SYNJ2: variants seen among roughly 807,000 people sequenced by gnomAD.
The protein encoded by SYNJ2 is synaptojanin 2.
SYNJ2 carries 116 observed loss-of-function variants against 141.3 expected under a neutral mutation model. That is an observed-to-expected ratio of 0.82 (90% confidence interval 0.71 to 0.96). SYNJ2 has a LOEUF of 0.96. Among genes scored for constraint, SYNJ2 ranks in the 40% least tolerant of loss-of-function variants. SYNJ2 has a pLI of 0.00. For missense variants in SYNJ2, 1,873 were observed against 1,934.8 expected, an observed-to-expected ratio of 0.97 and a Z score of 0.60; for synonymous variants, 745 against 777.7, an observed-to-expected ratio of 0.96 and a Z score of 0.70.
chr6:158,034,922 G>A lies in SYNJ2; in HGVS notation c.711+1242G>A, dbSNP rs146796054. 2.2e-3 allele frequency among the ~76,000 whole-genome samples: 342 copies of A among 152,272 alleles called. 2 individuals carry two copies. The highest frequency in any genetic ancestry group is 7.9e-3 in the African/African-American group (327 of 41,564). On this transcript the variant is annotated intron_variant, in intron 4 of 26. Coordinates refer to ENST00000355585, the MANE Select transcript of SYNJ2 (RefSeq NM_003898.4). ...ATGGCTAGCCAGTTATCCCAGCACC[G>A]TTTATTGAATAGAGAATCCTTTTCC...
intron 11 of SYNJ2, among the ~76,000 whole-genome samples, chr6:158,065,394 C>T (rs2477806): frequency 0.5 from 76,509 of 151,900 alleles, 20,259 homozygotes; most frequent in African/African-American, 0.69. Flanking sequence ...CAGTTTCTCT[C>T]TTGGCCCCTG....
At position 158,078,327 on chromosome 6, in the gene SYNJ2, C is replaced by T. The variant is rs750488573; in HGVS notation, c.2567+46C>T. On this transcript the variant is annotated intron_variant, in intron 18 of 26. Transcript: ENST00000355585. ...GCGTTTTCTCCTGTGCTGGGCAAGGCAGCGTCTCCCTCTCCGCAGGAAAAT... is the reference window on the plus strand; with the variant it reads ...GCGTTTTCTCCTGTGCTGGGCAAGGTAGCGTCTCCCTCTCCGCAGGAAAAT... The T allele has an allele frequency of 8.5e-6, 11 of 1,300,632 alleles. No homozygotes were observed. In the South Asian group the frequency reaches 9.6e-5, roughly 11 times the overall value. 80.6% of individuals were successfully genotyped at this position (1,300,632 alleles called of 1,614,324 possible). A position where few individuals can be genotyped will look rare whatever the true frequency, so the allele number is the denominator to read the frequency against.
Position 158,064,625 on chromosome 6 carries a change from C to T in SYNJ2, c.1234C>T (p.Leu412=). ...GGTCCTGCATCTGCAGCTCAAGACCCTGGGGCTGAGTTCAAAACCCATCGT... is the reference window on the plus strand; with the variant it reads ...GGTCCTGCATCTGCAGCTCAAGACCTTGGGGCTGAGTTCAAAACCCATCGT... ...LEVLHLQLKT[L]GLSSKPIVDR... is the part of the protein sequence containing the mutation. The change falls in exon 10 of 27, where the codon CTG becomes TTG. Residue 412 remains leucine (L), a synonymous_variant. Transcript: ENST00000355585. 15 of 1,614,028 alleles carry T rather than the reference C, an allele frequency of 9.3e-6. No individual in the cohort carries two copies. Among genetic ancestry groups the T allele is most frequent in the Non-Finnish European group, 1.3e-5 (15 of 1,180,016 alleles).
At chr6:158,005,793 C>G (rs1478062558) in intron 1 of SYNJ2, among the ~76,000 whole-genome samples, 1 of 152,118 alleles carries the variant, frequency 6.6e-6, no homozygotes, top group Non-Finnish European at 1.5e-5. Flanking sequence ...AGCTGATGGC[C>G]TCGTCCTCTC....
chr6:157,990,194 G>T (rs188857555), intron 1 of SYNJ2, among the ~76,000 whole-genome samples: 2 of 152,232 alleles, frequency 1.3e-5, no homozygotes, highest in Non-Finnish European at 2.9e-5. Flanking sequence ...GGCCCAGGCC[G>T]CAGGAGGTGG....
chr6:158,075,503 T>C (rs911301154), intron 16 of SYNJ2, among the ~76,000 whole-genome samples: 3 of 151,644 alleles, frequency 2.0e-5, no homozygotes, highest in Non-Finnish European at 4.4e-5. Flanking sequence ...TACCTGGGTA[T>C]GGTGGCAGGC....
chr6:157,993,903 C>T (rs915414256), intron 1 of SYNJ2, among the ~76,000 whole-genome samples: 1 of 146,476 alleles, frequency 6.8e-6, no homozygotes, highest in African/African-American at 2.5e-5. Context: ...CAAGCTCCGC[C>T]TCCCTGGTTC....
At chr6:158,063,976 A>T (rs1421850984) in intron 9 of SYNJ2, 104 bp downstream of exon 9, 5 of 1,161,828 alleles carry the variant, frequency 4.3e-6, no homozygotes, top group Non-Finnish European at 6.3e-6. Context: ...GGGTGGCATC[A>T]CCAAGACAAC....
rs1244666403 is a variant in SYNJ2, at chr6:157,987,198, G to A, written c.127+5110G>A. ...GATGGCATTTCACCATGTTGGCCAG[G>A]CTGGTATCGAACTCCTGACCTCAGG... On this transcript the variant is annotated intron_variant, in intron 1 of 26. Transcript: ENST00000355585. 2.0e-5 allele frequency among the ~76,000 whole-genome samples: 3 copies of A among 152,178 alleles called. No homozygotes were observed. In the East Asian group the frequency reaches 5.8e-4, roughly 29 times the overall value.
At position 158,063,838 on chromosome 6, in the gene SYNJ2, G is replaced by A. The variant is rs138792733; in HGVS notation, c.1175G>A (p.Arg392Gln). 1,521 of 1,613,660 alleles carry A rather than the reference G, an allele frequency of 9.4e-4. 24 individuals are homozygous for A. In the South Asian group the frequency reaches 0.012, roughly 13 times the overall value. ...LRMNCLDCLDRTNTVQSFIAL... is the reference protein window; with the variant it reads ...LRMNCLDCLDQTNTVQSFIAL... The stretch of plus-strand genomic sequence containing the variant: ...ATGAACTGTCTTGACTGCCTGGACC[G>A]AACCAACACTGTGCAGAGCTTCATC... Residue 392 changes from arginine (R) to glutamine (Q), a missense_variant, in exon 9 of 27, where the codon CGA becomes CAA. Transcript: ENST00000355585.
chr6:158,004,437 G>A (rs6909343), intron 1 of SYNJ2, among the ~76,000 whole-genome samples: 60,440 of 151,946 alleles, frequency 0.4, 12,198 homozygotes, highest in Middle Eastern at 0.46. Context: ...AGAGACACTC[G>A]CACCAGCACC....
In SYNJ2 at chr6:158,070,299, C is replaced by T. The variant is rs914349272; in HGVS notation, c.1940+626C>T. On this transcript the variant is annotated intron_variant, in intron 14 of 26. Coordinates refer to ENST00000355585, the MANE Select transcript of SYNJ2 (RefSeq NM_003898.4). This position sits in a 1 kb window ranked among gnomAD's most constrained non-coding sequence, Gnocchi z 4.0. ...AGCCTTTCGGCGAGCTGGCAGCAGGCGTTGAACTGACCTCCCCACTGAGCC... is the reference window on the plus strand; with the variant it reads ...AGCCTTTCGGCGAGCTGGCAGCAGGTGTTGAACTGACCTCCCCACTGAGCC... 12 of 985,508 alleles carry T rather than the reference C, an allele frequency of 1.2e-5. No homozygotes were observed. The South Asian group carries it at 1.4e-4, about 12-fold the overall frequency. 61.0% of individuals were successfully genotyped at this position (985,508 alleles called of 1,614,324 possible). A position where few individuals can be genotyped will look rare whatever the true frequency, so the allele number is the denominator to read the frequency against.
chr6:158,045,641 G>A (rs1031252882), intron 5 of SYNJ2, among the ~76,000 whole-genome samples: 4 of 152,036 alleles, frequency 2.6e-5, no homozygotes, highest in Non-Finnish European at 5.9e-5. Context: ...CTTCTCTAAG[G>A]CCTCCCAACT....
At chr6:158,017,847 C>A in intron 2 of SYNJ2, 1 of 507,904 alleles carries the variant, frequency 2.0e-6, no homozygotes, top group Non-Finnish European at 4.1e-6. Context: ...GGGTGGGGTT[C>A]CCGGCACCCC....
rs904416986 is a variant in SYNJ2, at chr6:158,083,524, C to A, written c.2961C>A (p.Pro987=). Residue 987 remains proline (P), a synonymous_variant, in exon 21 of 27, where the codon CCC becomes CCA. Transcript: ENST00000355585. ...EIIRKRDSMA[P]VSPTANSCLL... The stretch of plus-strand genomic sequence containing the variant: ...TTCGGAAACGAGACAGCATGGCCCC[C>A]GTGTCTCCCACTGCCAACTCCTGTT... 17 of 1,614,014 alleles carry A rather than the reference C, an allele frequency of 1.1e-5. No individual in the cohort carries two copies. The Admixed American group carries it at 1.8e-4, about 17-fold the overall frequency.
intron 1 of SYNJ2, among the ~76,000 whole-genome samples, chr6:157,985,398 G>C (rs1043750799): frequency 6.6e-6 from 1 of 152,160 alleles, no homozygotes; most frequent in South Asian, 2.1e-4. Context: ...AGATCAGTGG[G>C]AGCAAAAATT....
At chr6:158,025,854 A>G (rs1032203908) in intron 2 of SYNJ2, among the ~76,000 whole-genome samples, 2 of 152,194 alleles carry the variant, frequency 1.3e-5, no homozygotes, top group African/African-American at 2.4e-5. Context: ...CCAGAGGGTG[A>G]GGCAGGAGAA....
rs550254350 is a variant in SYNJ2, at chr6:158,051,979, G to A, written c.796-2988G>A. Among the ~76,000 whole-genome samples the A allele has an allele frequency of 3.2e-5, 4 of 124,874 alleles. No homozygotes were observed. The South Asian group carries it at 1.1e-3, about 34-fold the overall frequency. 81.9% of individuals were successfully genotyped at this position (124,874 alleles called of 152,430 possible). A position where few individuals can be genotyped will look rare whatever the true frequency, so the allele number is the denominator to read the frequency against. On this transcript the variant is annotated intron_variant, in intron 5 of 26. Transcript: ENST00000355585. ...TCAAAGAAAAAAAAAAGAAGAAGAA[G>A]AATAAGAAGAAAAGAAAAGGAAACC... is the stretch of plus-strand genomic sequence containing the variant.
intron 5 of SYNJ2, among the ~76,000 whole-genome samples, chr6:158,053,712 C>G (rs1173293949): frequency 6.6e-6 from 1 of 151,188 alleles, no homozygotes; most frequent in Non-Finnish European, 1.5e-5. Context: ...CAGTCATCCA[C>G]CCATCCAGCC....
Sources: allele counts gnomAD v4.1 joint callset (sites outside exome capture counted in the v4.1 genomes callset), GRCh38; gene constraint gnomAD v4.1.1; non-coding constraint Gnocchi (gnomAD v3.1); transcripts MANE v1.5; gene names NCBI Gene and HGNC (gene_info 2026-07-23, HGNC 2026-07-21).